The following AK9 variants were observed in gnomAD, a reference collection of about 807,000 sequenced individuals.
AK9 encodes adenylate kinase domain containing 1.
In AK9, 191 loss-of-function variants were observed where a neutral mutation model predicts 239.6. The observed-to-expected ratio is 0.80, with a 90% CI of 0.71 to 0.90. The LOEUF (loss-of-function observed/expected upper bound fraction) is 0.90. Ranked by LOEUF, AK9 falls within the 40% of genes least tolerant of loss-of-function variation. The probability of loss-of-function intolerance (pLI) is 0.00; values close to 1 mark genes in which losing one functional copy is unlikely to be tolerated. For synonymous variants in AK9, 689 were observed against 721.0 expected, an observed-to-expected ratio of 0.96 and a Z score of 0.71; for missense variants, 1,995 against 2,214.7, an observed-to-expected ratio of 0.90 and a Z score of 1.99.
In AK9 at chr6:109,662,625, C is replaced by T. The variant is rs1231163407; in HGVS notation, c.370G>A (p.Ala124Thr). 5.7e-6 allele frequency: 9 copies of T among 1,582,316 alleles called. No homozygotes were observed. The highest frequency in any genetic ancestry group is 5.4e-5 in the African/African-American group (4 of 73,750). The change falls in exon 6 of 41, where the codon GCC (alanine) becomes ACC (threonine). Residue 124 changes from alanine to threonine, a missense_variant. Ala to Thr is a moderately conservative substitution (Grantham distance 58). Transcript: ENST00000424296. ...ITEIPSLSQD[A>T]MTTLQQIELI... ...TCTATTTGCTGTAAGGTAGTCATGG[C>T]ATCCTGTGAAAGTGATGGTATTTCA...
Position 109,546,094 on chromosome 6 carries a change from G to T in AK9, c.2998C>A (p.Gln1000Lys). The part of the protein sequence containing the change: ...PPLRICLVGP[Q>K]GSGKTMCGRQ... ...CCACACATAGTTTTGCCAGAGCCCT[G>T]GGGGCCGACAAGGCATATTCTTAAT... The change falls in exon 26 of 41, where the codon CAG (glutamine) becomes AAG (lysine). Residue 1000 changes from glutamine to lysine, a missense_variant. Physicochemically the swap from Gln to Lys is moderately conservative, Grantham distance 53. This residue lies in a region of AK9 where 1,290 missense variants were observed against 1,392.7 expected (regional missense o/e 0.93). Coordinates refer to ENST00000424296, the MANE Select transcript of AK9 (RefSeq NM_001145128.3). 6.2e-7 allele frequency: 1 copy of T among 1,609,434 alleles called. No homozygotes were observed. Among genetic ancestry groups the T allele is most frequent in the Non-Finnish European group, 8.5e-7 (1 of 1,177,714 alleles).
rs1799785021 is a variant in AK9 at position 109,657,033 on chromosome 6, A to G, written c.631-149T>C. Reference sequence around the variant, plus strand: ...TAAAGATTAAGGATTTTTATTTAAGAGAATGGAAGACTCCTAACGGGTCTT... The same window carrying G: ...TAAAGATTAAGGATTTTTATTTAAGGGAATGGAAGACTCCTAACGGGTCTT... On this transcript the variant is annotated intron_variant, in intron 7 of 40. Transcript: ENST00000424296. The G allele has an allele frequency of 2.4e-5, 21 of 868,324 alleles. No homozygotes were observed. In the South Asian group the frequency reaches 3.2e-4, roughly 13 times the overall value. The allele number at this position is 868,324 out of a possible 1,614,324, so 53.8% of individuals were successfully genotyped here.
chr6:109,533,369 A>C lies in AK9; in HGVS notation c.3452T>G (p.Val1151Gly). The change falls in exon 28 of 41, where the codon GTT (valine) becomes GGT (glycine). Residue 1151 changes from valine to glycine, a missense_variant. By Grantham distance (109) the Val-to-Gly change is moderately radical. Coordinates refer to ENST00000424296, the MANE Select transcript of AK9 (RefSeq NM_001145128.3). The part of the protein sequence containing the change: ...FFPDAAVFIQ[V>G]DDQDIFDRLL... ...GCGATCAAAAATATCTTGATCATCAACTTGTATAAAAACAGCTGCATCTGG... is the reference window on the plus strand; with the variant it reads ...GCGATCAAAAATATCTTGATCATCACCTTGTATAAAAACAGCTGCATCTGG... The C allele has an allele frequency of 6.2e-7, 1 of 1,611,410 alleles. No homozygotes were observed. Among genetic ancestry groups the C allele is most frequent in the Non-Finnish European group, 8.5e-7 (1 of 1,178,842 alleles).
At chr6:109,521,593 T>C (rs1178544352) in intron 29 of AK9, among the ~76,000 whole-genome samples, 2 of 152,052 alleles carry the variant, frequency 1.3e-5, no homozygotes, top group Non-Finnish European at 2.9e-5. Context: ...TAGAAATTGA[T>C]TCTAAAAATT....
chr6:109,600,258 A>G (rs1197817304), intron 17 of AK9, among the ~76,000 whole-genome samples: 1 of 152,136 alleles, frequency 6.6e-6, no homozygotes, highest in Non-Finnish European at 1.5e-5. Flanking sequence ...TCCCATCAAT[A>G]CCTAATTTAT....
At chr6:109,596,085 C>T (rs1790994704) in intron 17 of AK9, among the ~76,000 whole-genome samples, 2 of 152,004 alleles carry the variant, frequency 1.3e-5, no homozygotes, top group South Asian at 4.1e-4. Flanking sequence ...AACCTCTGAG[C>T]CAACAGGTGG....
At position 109,673,275 on chromosome 6, in the gene AK9, C is replaced by T. The variant is rs140278276; in HGVS notation, c.181+923G>A. Among the ~76,000 whole-genome samples, 40 of 152,076 alleles carry T rather than the reference C, an allele frequency of 2.6e-4. No individual in the cohort carries two copies. The East Asian group carries it at 7.5e-3, about 29-fold the overall frequency. ...TCTCCAAAAAAATTGTACCAGATTG[C>T]AACTTTACTAACAGCATGTGGAATG... is the stretch of plus-strand genomic sequence containing the variant. On this transcript the variant is annotated intron_variant, in intron 3 of 40. Transcript: ENST00000424296.
intron 12 of AK9, 60 bp from the exon 13 acceptor site, chr6:109,619,296 T>C (rs1794548213): frequency 6.9e-7 from 1 of 1,458,574 alleles, no homozygotes; most frequent in South Asian, 1.4e-5. Flanking sequence ...ATTAAACACA[T>C]TGTTCATCTA....
intron 29 of AK9, among the ~76,000 whole-genome samples, chr6:109,526,730 C>T (rs1780565755): frequency 6.6e-6 from 1 of 152,170 alleles, no homozygotes; most frequent in Non-Finnish European, 1.5e-5. Context: ...CTGACACTGC[C>T]TGTGGAGCAG....
intron 8 of AK9, among the ~76,000 whole-genome samples, chr6:109,654,865 T>C (rs746284533): frequency 2.6e-5 from 4 of 152,196 alleles, no homozygotes; most frequent in African/African-American, 9.7e-5. Context: ...CTTGTATCTC[T>C]TGGAGACACA....
At chr6:109,529,152 T>G (rs1289913607) in intron 28 of AK9, 79 bp from the exon 29 acceptor site, 1 of 1,430,792 alleles carries the variant, frequency 7.0e-7, no homozygotes, top group Admixed American at 2.3e-5. Flanking sequence ...TATTTTTATA[T>G]AAAGTAGGAA....
At chr6:109,591,596 T>C (rs1028111486) in intron 17 of AK9, among the ~76,000 whole-genome samples, 2 of 152,170 alleles carry the variant, frequency 1.3e-5, no homozygotes, top group Non-Finnish European at 2.9e-5. Context: ...CTCGATTGTG[T>C]AACTGCATTA....
intron 32 of AK9, among the ~76,000 whole-genome samples, chr6:109,511,068 T>G (rs1778692043): frequency 6.6e-6 from 1 of 151,954 alleles, no homozygotes; most frequent in African/African-American, 2.4e-5. Flanking sequence ...TTGTTTTTTT[T>G]TTTTTTTTTT....
At chr6:109,649,824 A>C (rs1466957399) in intron 8 of AK9, among the ~76,000 whole-genome samples, 1 of 152,224 alleles carries the variant, frequency 6.6e-6, no homozygotes, top group Non-Finnish European at 1.5e-5. Context: ...ACGCTACCTG[A>C]CTTCAAACTA....
At chr6:109,528,978 C>A (rs745932835) in intron 29 of AK9, 33 bp downstream of exon 29, 96 of 1,551,910 alleles carry the variant, frequency 6.2e-5, no homozygotes, top group Non-Finnish European at 8.1e-5. Flanking sequence ...CAGAGTGAGA[C>A]CCTGTTTTGA....
At chr6:109,596,013 AAAAT>A (rs766907347) in intron 17 of AK9, among the ~76,000 whole-genome samples, 36 of 151,886 alleles carry the variant, frequency 2.4e-4, no homozygotes, top group African/African-American at 5.8e-4. Context: ...AAAAAAAAGA[AAAAT>A]AAATAAATAA....
At chr6:109,508,746 G>A (rs561465104) in intron 33 of AK9, among the ~76,000 whole-genome samples, 34 of 152,314 alleles carry the variant, frequency 2.2e-4, no homozygotes, top group African/African-American at 7.9e-4. Flanking sequence ...TTGTCCAAAT[G>A]TGGTGTTAAG....
intron 10 of AK9, among the ~76,000 whole-genome samples, chr6:109,637,003 A>G (rs1796799367): frequency 6.6e-6 from 1 of 152,102 alleles, no homozygotes; most frequent in South Asian, 2.1e-4. Flanking sequence ...CAGCTGTACC[A>G]TTTTACATCC....
chr6:109,498,070 C>T (rs1355901191), intron 36 of AK9, 105 bp from the exon 37 acceptor site: 2 of 1,056,684 alleles, frequency 1.9e-6, no homozygotes, highest in Non-Finnish European at 2.8e-6. Context: ...TCAGTAGCAG[C>T]GTTCTGCTGC....
Sources: gnomAD v4.1 joint callset for allele counts (sites outside exome capture counted in the v4.1 genomes callset) on GRCh38, gnomAD v4.1.1 for gene constraint, gnomAD v4.1.1 regional missense constraint, MANE v1.5 for transcripts, NCBI Gene and HGNC (gene_info 2026-07-23, HGNC 2026-07-21) for gene names.